The following EPHA5 variants were observed in gnomAD, a reference collection of about 807,000 sequenced individuals.
EPHA5 encodes ephrin type-A receptor 5.
EPHA5 carries 60 observed loss-of-function variants against 105.0 expected under a neutral mutation model. The observed-to-expected ratio is 0.57, with a 90% CI of 0.46 to 0.71. EPHA5 has a LOEUF of 0.71. Among genes scored for constraint, EPHA5 ranks in the 30% least tolerant of loss-of-function variants. The pLI, the probability that EPHA5 is intolerant of heterozygous loss-of-function variation, is 0.00. For missense variants in EPHA5, 1,218 were observed against 1,274.7 expected, an observed-to-expected ratio of 0.96 and a Z score of 0.68; for synonymous variants, 513 against 449.1, an observed-to-expected ratio of 1.14 and a Z score of -1.80.
At position 65,601,852 on chromosome 4, in the gene EPHA5, G is replaced by A. The variant is rs747700048; in HGVS notation, c.699C>T (p.Cys233=). The change falls in exon 3 of 17, where the codon TGC becomes TGT. Residue 233 remains cysteine (C), a synonymous_variant. Transcript: ENST00000613740. ...CAGCCAAGTGTCGTACCACAGAAGG[G>A]CATTTTTTATAGTATACACGCACAG... ...LVSVRVYYKK[C]PSVVRHLAVF... 3 of 1,613,940 alleles carry A rather than the reference G, an allele frequency of 1.9e-6. No individual in the cohort carries two copies. Among genetic ancestry groups the A allele is most frequent in the Non-Finnish European group, 1.7e-6 (2 of 1,180,000 alleles).
intron 3 of EPHA5, among the ~76,000 whole-genome samples, chr4:65,539,080 T>C (rs1356950064): frequency 2.0e-5 from 3 of 151,798 alleles, no homozygotes; most frequent in East Asian, 1.9e-4. Context: ...ATCTAATACA[T>C]AGGCTAAGTG....
At chr4:65,387,799 A>AT (rs971449741) in intron 8 of EPHA5, among the ~76,000 whole-genome samples, 120 of 151,500 alleles carry the variant, frequency 7.9e-4, no homozygotes, top group African/African-American at 2.6e-3. Context: ...ATCTAAATTC[A>AT]TTTTTTTTGT....
intron 3 of EPHA5, among the ~76,000 whole-genome samples, chr4:65,546,123 A>G (rs943481616): frequency 2.6e-5 from 4 of 151,970 alleles, no homozygotes; most frequent in Non-Finnish European, 4.4e-5. Flanking sequence ...GTTCCAAAGA[A>G]CCATACTTTG....
intron 5 of EPHA5, among the ~76,000 whole-genome samples, chr4:65,456,384 T>C (rs1287994168): frequency 6.6e-6 from 1 of 152,160 alleles, no homozygotes; most frequent in Non-Finnish European, 1.5e-5. Flanking sequence ...TGCCATATTC[T>C]AAGCATTCTA....
chr4:65,387,822 T>TA (rs1238620565), intron 8 of EPHA5, among the ~76,000 whole-genome samples: 1 of 151,508 alleles, frequency 6.6e-6, no homozygotes, highest in Admixed American at 6.6e-5. Context: ...GTCTCATTCT[T>TA]TTTTTTTATT....
At chr4:65,341,020 C>A (rs1721661055) in intron 14 of EPHA5, among the ~76,000 whole-genome samples, 1 of 152,112 alleles carries the variant, frequency 6.6e-6, no homozygotes, top group Admixed American at 6.5e-5. Context: ...TAGGGACATA[C>A]CTGTGTCACA....
intron 3 of EPHA5, among the ~76,000 whole-genome samples, chr4:65,500,662 T>C (rs1318184833): frequency 6.6e-6 from 1 of 151,022 alleles, no homozygotes; most frequent in Non-Finnish European, 1.5e-5. Flanking sequence ...TTGGGATAAC[T>C]AAGTATATTC....
intron 3 of EPHA5, among the ~76,000 whole-genome samples, chr4:65,519,868 A>T (rs1339791995): frequency 6.6e-6 from 1 of 152,174 alleles, no homozygotes; most frequent in Non-Finnish European, 1.5e-5. Flanking sequence ...CTGCTCAAAA[A>T]AATAAAAGAG....
intron 8 of EPHA5, among the ~76,000 whole-genome samples, chr4:65,370,002 A>G (rs1325475230): frequency 6.6e-6 from 1 of 152,122 alleles, no homozygotes; most frequent in Non-Finnish European, 1.5e-5. Flanking sequence ...TATCTTTATC[A>G]TATTAAGAAA....
chr4:65,386,433 A>G (rs932988359), intron 8 of EPHA5, among the ~76,000 whole-genome samples: 1 of 151,992 alleles, frequency 6.6e-6, no homozygotes, highest in African/African-American at 2.4e-5. Context: ...GTCAATATGT[A>G]TAAACAATCT....
Position 65,327,326 on chromosome 4 carries a change from A to G in EPHA5, c.2946-3107T>C, listed in dbSNP as rs539409742. Reference sequence around the variant, plus strand: ...TAAAATTTTATTTCAAGAACAATTTATTATCTGATTATCCCTTGAGATGAA... The same window carrying G: ...TAAAATTTTATTTCAAGAACAATTTGTTATCTGATTATCCCTTGAGATGAA... On this transcript the variant is annotated intron_variant, in intron 16 of 16. Coordinates refer to ENST00000613740, the MANE Select transcript of EPHA5 (RefSeq NM_001281766.3). 2.0e-5 allele frequency among the ~76,000 whole-genome samples: 3 copies of G among 151,382 alleles called. No homozygotes were observed. In the South Asian group the frequency reaches 6.2e-4, roughly 31 times the overall value.
intron 5 of EPHA5, among the ~76,000 whole-genome samples, chr4:65,436,206 A>G (rs1725467967): frequency 6.6e-6 from 1 of 152,046 alleles, no homozygotes; most frequent in African/African-American, 2.4e-5. Flanking sequence ...CTGATAAAAT[A>G]GAACTTGGGG....
chr4:65,633,252 T>C (rs190903187), intron 2 of EPHA5, among the ~76,000 whole-genome samples: 2 of 152,152 alleles, frequency 1.3e-5, no homozygotes, highest in East Asian at 3.9e-4. Flanking sequence ...ATTTTTTCTC[T>C]GTGGGAGAGG....
chr4:65,439,431 C>G (rs568463722), intron 5 of EPHA5, among the ~76,000 whole-genome samples: 2 of 149,974 alleles, frequency 1.3e-5, no homozygotes, highest in African/African-American at 2.5e-5. Flanking sequence ...TCTCCACCCC[C>G]ACACCACCCC....
chr4:65,531,286 C>T (rs1312531556), intron 3 of EPHA5, among the ~76,000 whole-genome samples: 1 of 151,868 alleles, frequency 6.6e-6, no homozygotes, highest in African/African-American at 2.4e-5. Flanking sequence ...ATCCACCCGC[C>T]TCGGCCTCCC....
At chr4:65,608,775 C>G (rs1439199107) in intron 2 of EPHA5, among the ~76,000 whole-genome samples, 1 of 152,148 alleles carries the variant, frequency 6.6e-6, no homozygotes, top group African/African-American at 2.4e-5. Flanking sequence ...GCAGAATAAA[C>G]TGCATCTTTT....
In EPHA5 at chr4:65,538,199, T is replaced by C. The variant is rs186176071; in HGVS notation, c.911-42656A>G. Reference sequence around the variant, plus strand: ...GGGAGGTCTAGGGTACGGAGATATATCTAATTGCCAAATAACTTAAATAAG... The same window carrying C: ...GGGAGGTCTAGGGTACGGAGATATACCTAATTGCCAAATAACTTAAATAAG... On this transcript the variant is annotated intron_variant, in intron 3 of 16. Transcript: ENST00000613740. 4.5e-3 allele frequency among the ~76,000 whole-genome samples: 681 copies of C among 151,896 alleles called. 9 individuals carry two copies. The highest frequency in any genetic ancestry group is 3.3e-3 in the Non-Finnish European group (227 of 67,786).
chr4:65,421,334 T>A (rs1458761026), intron 5 of EPHA5, among the ~76,000 whole-genome samples: 1 of 152,144 alleles, frequency 6.6e-6, no homozygotes, highest in Non-Finnish European at 1.5e-5. Context: ...ATAGATAACA[T>A]GTCTAAAAGA....
intron 3 of EPHA5, among the ~76,000 whole-genome samples, chr4:65,588,207 T>A (rs1191969253): frequency 6.6e-6 from 1 of 152,148 alleles, no homozygotes; most frequent in Non-Finnish European, 1.5e-5. Context: ...ACATAGCAGC[T>A]TTTTGCAAAT....
Sources: gnomAD v4.1 joint callset for allele counts (sites outside exome capture counted in the v4.1 genomes callset) on GRCh38, gnomAD v4.1.1 for gene constraint, MANE v1.5 for transcripts, NCBI Gene and HGNC (gene_info 2026-07-23, HGNC 2026-07-21) for gene names.